PCDH15: variants seen among roughly 807,000 people sequenced by gnomAD.
The protein encoded by PCDH15 is protocadherin related 15, also known as protocadherin-15.
PCDH15 carries 129 observed loss-of-function variants against 178.5 expected under a neutral mutation model. The observed-to-expected ratio is 0.72, with a 90% CI of 0.63 to 0.84. The LOEUF is 0.84. PCDH15 is among the 40% of genes least tolerant of loss of function. The probability of loss-of-function intolerance (pLI) is 0.00; values close to 1 mark genes in which losing one functional copy is unlikely to be tolerated. For missense variants in PCDH15, 2,230 were observed against 2,099.9 expected (o/e 1.06, Z -1.21); for synonymous variants, 800 against 732.0 (o/e 1.09, Z -1.50).
intron 1 of PCDH15, among the ~76,000 whole-genome samples, chr10:54,756,268 A>C (rs1308694594): frequency 1.3e-5 from 2 of 152,108 alleles, no homozygotes; most frequent in Non-Finnish European, 2.9e-5. Context: ...AAAAAAGTAA[A>C]AAATAAAAAC....
rs1437489546 is a variant in PCDH15 at position 53,994,406 on chromosome 10, T to A, written c.2868+1243A>T. On this transcript the variant is annotated intron_variant, in intron 21 of 37. Transcript: ENST00000644397. ...AGAGTGTTATGGTTTCTATTTGCAA[T>A]TCTGTCTTTTCTATAAAATTTTCAG... Among the ~76,000 whole-genome samples, 4 of 152,202 alleles carry A rather than the reference T, an allele frequency of 2.6e-5. No individual in the cohort carries two copies. In the East Asian group the frequency reaches 7.7e-4, roughly 29 times the overall value.
At chr10:54,511,860 T>C (rs2081700536) in intron 3 of PCDH15, among the ~76,000 whole-genome samples, 2 of 152,252 alleles carry the variant, frequency 1.3e-5, no homozygotes, top group South Asian at 2.1e-4. Flanking sequence ...TCAAATAAGG[T>C]ATGTGAGTGC....
intron 2 of PCDH15, among the ~76,000 whole-genome samples, chr10:55,078,927 A>G (rs1282263429): frequency 2.0e-5 from 3 of 152,140 alleles, no homozygotes; most frequent in Non-Finnish European, 2.9e-5. Context: ...CTCCAGCTCC[A>G]TAATTTTCAT....
At chr10:55,577,963 G>A (rs1156249277) in intron 2 of PCDH15, among the ~76,000 whole-genome samples, 2 of 152,210 alleles carry the variant, frequency 1.3e-5, no homozygotes, top group Admixed American at 6.5e-5. Context: ...GAGAGAGAGA[G>A]AGAGCAACTG....
At chr10:55,306,166 G>A (rs922052500) in intron 1 of PCDH15, among the ~76,000 whole-genome samples, 2 of 151,990 alleles carry the variant, frequency 1.3e-5, no homozygotes, top group African/African-American at 2.4e-5. Context: ...TTTACCGTAA[G>A]GTAAAACATG....
intron 15 of PCDH15, among the ~76,000 whole-genome samples, chr10:54,129,285 C>T (rs770232441): frequency 8.6e-5 from 13 of 151,208 alleles, no homozygotes; most frequent in East Asian, 1.9e-4. Context: ...CTCAAATAAA[C>T]GATCAATACA....
chr10:54,289,522 G>T (rs183479585), intron 8 of PCDH15, among the ~76,000 whole-genome samples: 57 of 152,308 alleles, frequency 3.7e-4, no homozygotes, highest in South Asian at 3.5e-3. Context: ...ACCAGCAACA[G>T]AGCAAAGCTG....
At chr10:55,592,443 G>A (rs1446235882) in intron 2 of PCDH15, among the ~76,000 whole-genome samples, 2 of 152,156 alleles carry the variant, frequency 1.3e-5, no homozygotes, top group African/African-American at 2.4e-5. Flanking sequence ...ATCCAGCCAG[G>A]CAGCTCTGTC....
chr10:55,328,247 A>C (rs1297062410), intron 2 of PCDH15, among the ~76,000 whole-genome samples: 1 of 150,516 alleles, frequency 6.6e-6, no homozygotes, highest in African/African-American at 2.5e-5. Context: ...TATATATAGA[A>C]ATACAGTCAT....
intron 27 of PCDH15, 77 bp from the exon 28 acceptor site, chr10:53,857,340 TCTTC>T: frequency 9.9e-7 from 1 of 1,013,794 alleles, no homozygotes; most frequent in Non-Finnish European, 1.6e-6. Context: ...CCACATTACC[TCTTC>T]CCTACTATGC....
At position 53,973,207 on chromosome 10, in the gene PCDH15, C is replaced by T. The variant is rs138156203; in HGVS notation, c.2869-11315G>A. 3.4e-3 allele frequency among the ~76,000 whole-genome samples: 511 copies of T among 149,712 alleles called. 5 individuals are homozygous for T. The highest frequency in any genetic ancestry group is 0.012 in the African/African-American group (471 of 40,576). ...ATTGCAAGGACAGATAACCAAACAC[C>T]ACATGTTTTCACTCATAGGTGGGAA... On this transcript the variant is annotated intron_variant, in intron 21 of 37. Transcript: ENST00000644397.
At chr10:54,773,072 G>T (rs1949281178) in intron 1 of PCDH15, among the ~76,000 whole-genome samples, 1 of 149,706 alleles carries the variant, frequency 6.7e-6, no homozygotes, top group Non-Finnish European at 1.5e-5. Context: ...GACACATGGG[G>T]AACAACACAT....
At chr10:54,408,344 G>T (rs1952980932) in intron 3 of PCDH15, among the ~76,000 whole-genome samples, 2 of 151,906 alleles carry the variant, frequency 1.3e-5, no homozygotes, top group Non-Finnish European at 2.9e-5. Flanking sequence ...TAAATGTATA[G>T]TCTCATTACA....
intron 2 of PCDH15, among the ~76,000 whole-genome samples, chr10:54,660,337 C>T (rs987386397): frequency 2.0e-5 from 3 of 152,058 alleles, no homozygotes; most frequent in Admixed American, 6.6e-5. Flanking sequence ...CTATGAATAT[C>T]TCTGTGATCA....
In PCDH15 at chr10:55,524,260, G is replaced by C. The variant is rs1841252200; in HGVS notation, c.-156+103365C>G. ...ACTATTCTTCTGGCCCAAGGTTTTT[G>C]AGTTCAGAAGAGATTTGGTACAAAA... On this transcript the variant is annotated intron_variant, in intron 2 of 5. Transcript: ENST00000613346. Among the ~76,000 whole-genome samples the C allele has an allele frequency of 2.0e-5, 3 of 151,468 alleles. No homozygotes were observed. The Admixed American group carries it at 2.0e-4, about 10-fold the overall frequency.
intron 2 of PCDH15, among the ~76,000 whole-genome samples, chr10:55,430,526 ATAATTTAATTTTAT>A (rs1352284789): frequency 6.6e-6 from 1 of 152,166 alleles, no homozygotes; most frequent in Non-Finnish European, 1.5e-5. Context: ...GTTCCTAATG[ATAATTTAATTTTAT>A]TCACCCTGGA....
chr10:54,217,625 G>A (rs2134148890), intron 9 of PCDH15, among the ~76,000 whole-genome samples: 1 of 152,250 alleles, frequency 6.6e-6, no homozygotes, highest in South Asian at 2.1e-4. Flanking sequence ...AACTCAGGTT[G>A]TAGTTTATCT....
chr10:55,487,590 C>G (rs1315491069), intron 2 of PCDH15, among the ~76,000 whole-genome samples: 1 of 151,636 alleles, frequency 6.6e-6, no homozygotes, highest in Non-Finnish European at 1.5e-5. Flanking sequence ...GCTGAATATA[C>G]TCTGACAATA....
At chr10:53,838,121 G>T (rs1239533503) in intron 29 of PCDH15, among the ~76,000 whole-genome samples, 1 of 151,658 alleles carries the variant, frequency 6.6e-6, no homozygotes, top group Non-Finnish European at 1.5e-5. Flanking sequence ...GACTACAGGT[G>T]CCCGCCACCA....
Sources: allele counts gnomAD v4.1 joint callset (sites outside exome capture counted in the v4.1 genomes callset), GRCh38; gene constraint gnomAD v4.1.1; transcripts MANE v1.5; gene names NCBI Gene and HGNC (gene_info 2026-07-23, HGNC 2026-07-21).